The following AGBL1 variants were observed in gnomAD, a reference collection of about 807,000 sequenced individuals.
The protein encoded by AGBL1 is cytosolic carboxypeptidase 4.
AGBL1 carries 130 observed loss-of-function variants against 118.9 expected under a neutral mutation model. The ratio of observed to expected loss-of-function variants is 1.09; its 90% CI spans 0.95 to 1.26. AGBL1 has a LOEUF of 1.26. Among genes scored for constraint, AGBL1 ranks in the 50% most tolerant of loss-of-function variants. AGBL1 has a pLI of 0.00. For missense variants in AGBL1, 1,584 were observed against 1,298.1 expected (o/e 1.22, Z -3.38); for synonymous variants, 555 against 478.9 (o/e 1.16, Z -2.08).
chr15:86,935,688 G>C (rs897099680), intron 23 of AGBL1, among the ~76,000 whole-genome samples: 2 of 152,198 alleles, frequency 1.3e-5, no homozygotes, highest in African/African-American at 4.8e-5. Context: ...GCCCACGTTA[G>C]TGTTTAGCCA....
chr15:86,960,719 T>C (rs1003275935), intron 23 of AGBL1, among the ~76,000 whole-genome samples: 1 of 151,724 alleles, frequency 6.6e-6, no homozygotes, highest in African/African-American at 2.4e-5. Flanking sequence ...ATGAAAACAA[T>C]CTAAGCATCC....
At chr15:86,743,991 A>T (rs1261395470) in intron 22 of AGBL1, among the ~76,000 whole-genome samples, 4 of 152,156 alleles carry the variant, frequency 2.6e-5, no homozygotes, top group Non-Finnish European at 4.4e-5. Flanking sequence ...TTTCTGGGAA[A>T]ATATTTTTTA....
Position 86,460,498 on chromosome 15 carries a change from T to C in AGBL1, c.2556-62312T>C, listed in dbSNP as rs147102783. Among the ~76,000 whole-genome samples, 210 of 146,374 alleles carry C rather than the reference T, an allele frequency of 1.4e-3. 4 individuals carry two copies. The South Asian group carries it at 0.027, about 19-fold the overall frequency. On this transcript the variant is annotated intron_variant, in intron 18 of 22. Transcript: ENST00000614907. ...GCAACACACAGAACAATCCCTTGTG[T>C]CTTAAAACAAAACAAAACAAACAAT...
At chr15:86,698,439 A>G (rs892966749) in intron 22 of AGBL1, among the ~76,000 whole-genome samples, 11 of 152,124 alleles carry the variant, frequency 7.2e-5, no homozygotes, top group African/African-American at 1.9e-4. Flanking sequence ...TCTGACTTCA[A>G]TTTCCACGTT....
intron 1 of AGBL1, among the ~76,000 whole-genome samples, chr15:86,132,670 G>C (rs1383194250): frequency 6.6e-6 from 1 of 152,144 alleles, no homozygotes; most frequent in Non-Finnish European, 1.5e-5. Flanking sequence ...GGCATGTGAG[G>C]TTGTTGATTG....
At chr15:86,941,701 T>C (rs997987981) in intron 23 of AGBL1, among the ~76,000 whole-genome samples, 4 of 152,192 alleles carry the variant, frequency 2.6e-5, no homozygotes, top group East Asian at 1.9e-4. Context: ...GCATCTTTCT[T>C]ACTGGAGGCA....
rs375802479 is a variant in AGBL1 at position 86,305,872 on chromosome 15, A to G, written c.2374+10464A>G. Among the ~76,000 whole-genome samples the G allele has an allele frequency of 5.3e-5, 8 of 152,302 alleles. 1 individual carries two copies. The Middle Eastern group carries it at 0.027, about 518-fold the overall frequency. Reference sequence around the variant, plus strand: ...CTTTCCCATTAATCTGAGACTTGACAGCCTCGCCAGATTCTGTGCTACCAC... The same window carrying G: ...CTTTCCCATTAATCTGAGACTTGACGGCCTCGCCAGATTCTGTGCTACCAC... On this transcript the variant is annotated intron_variant, in intron 17 of 22. Coordinates refer to ENST00000614907, the MANE Select transcript of AGBL1 (RefSeq NM_001386094.1).
At chr15:86,368,631 A>C (rs1405783651) in intron 17 of AGBL1, among the ~76,000 whole-genome samples, 1 of 152,194 alleles carries the variant, frequency 6.6e-6, no homozygotes, top group Non-Finnish European at 1.5e-5. Flanking sequence ...AAGTGAAAGA[A>C]ATCTGCTCAG....
At chr15:86,469,880 T>C (rs1016031393) in intron 18 of AGBL1, among the ~76,000 whole-genome samples, 1 of 152,202 alleles carries the variant, frequency 6.6e-6, no homozygotes, top group African/African-American at 2.4e-5. Context: ...TGTCTTCTTT[T>C]GAGAAATGTC....
At chr15:86,965,654 C>T (rs1192796453) in intron 23 of AGBL1, among the ~76,000 whole-genome samples, 6 of 151,994 alleles carry the variant, frequency 3.9e-5, no homozygotes, top group Non-Finnish European at 4.4e-5. Flanking sequence ...ACATATACAC[C>T]GTGGAATACT....
At chr15:86,373,749 C>T (rs539004482) in intron 17 of AGBL1, among the ~76,000 whole-genome samples, 2 of 152,192 alleles carry the variant, frequency 1.3e-5, no homozygotes, top group Non-Finnish European at 2.9e-5. Flanking sequence ...GGTTAAGTCT[C>T]ACATTCGGTC....
intron 22 of AGBL1, among the ~76,000 whole-genome samples, chr15:86,893,786 T>C (rs1215225715): frequency 6.6e-6 from 1 of 152,184 alleles, no homozygotes. Flanking sequence ...CGAGTGACTA[T>C]GTGTGAGGTT....
intron 18 of AGBL1, among the ~76,000 whole-genome samples, chr15:86,451,614 C>A (rs944976467): frequency 6.6e-6 from 1 of 152,120 alleles, no homozygotes; most frequent in African/African-American, 2.4e-5. Context: ...CAAAGGAAAA[C>A]CCAGTTGCTG....
chr15:86,402,453 T>A (rs1275942459), intron 18 of AGBL1, among the ~76,000 whole-genome samples: 1 of 152,116 alleles, frequency 6.6e-6, no homozygotes, highest in African/African-American at 2.4e-5. Flanking sequence ...TTATTTCTTG[T>A]CTGATTGCTG....
At chr15:86,932,894 G>A (rs2080622884) in intron 23 of AGBL1, 1 of 151,968 alleles carries the variant, frequency 6.6e-6, no homozygotes, top group Admixed American at 6.6e-5. Context: ...GGTCTTGACT[G>A]TCTGTGAGAG....
chr15:86,239,994 A>T (rs2078616446), intron 6 of AGBL1, among the ~76,000 whole-genome samples: 1 of 152,202 alleles, frequency 6.6e-6, no homozygotes, highest in African/African-American at 2.4e-5. Context: ...TATCAATTAA[A>T]AATGAAAATA....
chr15:86,162,769 C>T (rs72750293), intron 5 of AGBL1, among the ~76,000 whole-genome samples: 6,913 of 152,294 alleles, frequency 0.045, 229 homozygotes, highest in South Asian at 0.086. Flanking sequence ...GTTTCTCATT[C>T]CTGCTCTCAT....
chr15:86,732,194 T>G (rs2077535542), intron 22 of AGBL1, among the ~76,000 whole-genome samples: 1 of 152,260 alleles, frequency 6.6e-6, no homozygotes, highest in Non-Finnish European at 1.5e-5. Context: ...ATAAACTTAA[T>G]TTATTCTTTT....
At chr15:86,814,448 A>G (rs992363323) in intron 22 of AGBL1, among the ~76,000 whole-genome samples, 1 of 152,202 alleles carries the variant, frequency 6.6e-6, no homozygotes, top group East Asian at 1.9e-4. Flanking sequence ...CTGAACCTAC[A>G]TAGGATGGTC....
Sources: allele counts gnomAD v4.1 joint callset (sites outside exome capture counted in the v4.1 genomes callset), GRCh38; gene constraint gnomAD v4.1.1; transcripts MANE v1.5; gene names NCBI Gene and HGNC (gene_info 2026-07-23, HGNC 2026-07-21).